SLC4A9: variants seen among roughly 807,000 people sequenced by gnomAD.
The protein encoded by SLC4A9 is anion exchange protein 4.
Under a neutral mutation model 103.2 loss-of-function variants are expected in SLC4A9, and 102 were observed. The ratio of observed to expected loss-of-function variants is 0.99; its 90% CI spans 0.84 to 1.17. SLC4A9 has a LOEUF of 1.17. Among genes scored for constraint, SLC4A9 ranks in the 50% most tolerant of loss-of-function variants. The pLI is 0.00. For missense variants in SLC4A9, 1,091 were observed against 1,193.7 expected, an observed-to-expected ratio of 0.91 and a Z score of 1.27; for synonymous variants, 453 against 483.6, an observed-to-expected ratio of 0.94 and a Z score of 0.83.
chr5:140,365,849 A>C lies in SLC4A9; in HGVS notation c.1726A>C (p.Asn576His). The C allele has an allele frequency of 6.2e-7, 1 of 1,613,754 alleles. No homozygotes were observed. The highest frequency in any genetic ancestry group is 8.5e-7 in the Non-Finnish European group (1 of 1,179,790). The change falls in exon 13 of 22, where the codon AAT becomes CAT. Residue 576 changes from asparagine (N) to histidine (H), a missense_variant. Transcript: ENST00000506757. Reference sequence around the variant, plus strand: ...CTGTGTACAGGACTTAGGCCTGATCAATGCATCCTTGCTGCCGCCACCTGA... The same window carrying C: ...CTGTGTACAGGACTTAGGCCTGATCCATGCATCCTTGCTGCCGCCACCTGA... ...DIVSMDLGLI[N>H]ASLLPPPECT...
chr5:140,367,928 G>A (rs763398276), intron 16 of SLC4A9, 30 bp downstream of exon 16: 6 of 1,611,330 alleles, frequency 3.7e-6, no homozygotes, highest in Non-Finnish European at 5.1e-6. Context: ...AGTGGAGTAA[G>A]AGGTGGGCAG....
In SLC4A9 at chr5:140,363,108, A is replaced by G. The variant is rs748575752; in HGVS notation, c.962+42A>G. On this transcript the variant is annotated intron_variant, in intron 7 of 21. Coordinates refer to ENST00000506757, the MANE Select transcript of SLC4A9 (RefSeq NM_031467.3). The surrounding 1 kb of genome is among the most constrained non-coding windows in gnomAD (Gnocchi z 4.5). ...ATCCCATACAGATTCCTGCCCATAT[A>G]GGCCCTGGGTCTAATTCCATTGTTG... The G allele has an allele frequency of 6.3e-7, 1 of 1,596,966 alleles. No homozygotes were observed. Among genetic ancestry groups the G allele is most frequent in the East Asian group, 2.2e-5 (1 of 44,796 alleles).
intron 19 of SLC4A9, 50 bp from the exon 20 acceptor site, chr5:140,372,192 G>A: frequency 1.4e-6 from 2 of 1,459,148 alleles, no homozygotes; most frequent in African/African-American, 2.9e-5. Flanking sequence ...TATTGTTAAT[G>A]TTCCTACTAC....
At chr5:140,361,773 T>C in intron 3 of SLC4A9, 35 bp from the exon 4 acceptor site, 1 of 1,612,160 alleles carries the variant, frequency 6.2e-7, no homozygotes, top group African/African-American at 1.3e-5. Context: ...CCCCAAAGCC[T>C]GTGGTCTTAA....
At chr5:140,361,401 CCTGGTGTGGCAGGGTCTCAGA>C in intron 3 of SLC4A9, 34 bp downstream of exon 3, 1 of 1,516,548 alleles carries the variant, frequency 6.6e-7, no homozygotes, top group Non-Finnish European at 9.0e-7. Context: ...GGACCAAGAC[CCTGGTGTGGCAGGGTCTCAGA>C]TCTCCCCTGC....
chr5:140,361,065 C>G, intron 2 of SLC4A9, 93 bp downstream of exon 2: 4 of 1,305,250 alleles, frequency 3.1e-6, no homozygotes, highest in Non-Finnish European at 4.2e-6. Flanking sequence ...CAGAGCCCAT[C>G]CCTACCCCTC....
At position 140,361,291 on chromosome 5, in the gene SLC4A9, G is replaced by A. The variant is rs1360109164; in HGVS notation, c.429G>A (p.Leu143=). The A allele has an allele frequency of 1.3e-6, 2 of 1,572,408 alleles. No individual in the cohort carries two copies. The highest frequency in any genetic ancestry group is 1.9e-5 in the Admixed American group (1 of 53,752). The stretch of plus-strand genomic sequence containing the variant: ...GGGTGGAGTCGCTGAGCCCAGAGCT[G>A]AGAGGGCAGTTGCAGGCCTTGCTGC... ...VTRVESLSPE[L]RGQLQALLLQ... The change falls in exon 3 of 22, where the codon CTG becomes CTA. Residue 143 remains leucine, a synonymous_variant. Transcript: ENST00000506757.
intron 14 of SLC4A9, 131 bp downstream of exon 14, chr5:140,366,395 A>G (rs1487460712): frequency 1.8e-5 from 12 of 665,912 alleles, no homozygotes; most frequent in Admixed American, 3.0e-5. Context: ...GATAGTAATA[A>G]TAATGGCCTC....
At chr5:140,368,029 T>G in intron 16 of SLC4A9, 131 bp downstream of exon 16, 1 of 928,798 alleles carries the variant, frequency 1.1e-6, no homozygotes, top group South Asian at 1.6e-5. Flanking sequence ...GCAGAATGAG[T>G]GAGTTCTGGG....
intron 4 of SLC4A9, 40 bp from the exon 5 acceptor site, chr5:140,361,977 T>C (rs374102953): frequency 1.7e-5 from 28 of 1,613,568 alleles, no homozygotes; most frequent in Non-Finnish European, 2.0e-5. Context: ...CCTCCCCAAA[T>C]AACCTTTCAT....
rs753638897 is a variant in SLC4A9 at position 140,366,282 on chromosome 5, G to C, written c.2013+18G>C. The C allele has an allele frequency of 2.6e-6, 4 of 1,549,666 alleles. No homozygotes were observed. The highest frequency in any genetic ancestry group is 1.4e-5 in the African/African-American group (1 of 73,436). ...AGTTCAAGGTGAGAGCCAGGGAAGA[G>C]GGTTGGGGGACCAGAGGGGAAAGCA... is the stretch of plus-strand genomic sequence containing the variant. On this transcript the variant is annotated intron_variant, in intron 14 of 21. Coordinates refer to ENST00000506757, the MANE Select transcript of SLC4A9 (RefSeq NM_031467.3).
In SLC4A9 at chr5:140,362,504, G is replaced by T. The variant is rs200745455; in HGVS notation, c.779G>T (p.Arg260Leu). ...GGAAAGGGCTACCATGAGATGGGACGGGCAGCAGCTGTCCTCCTCAGTGAC... is the reference window on the plus strand; with the variant it reads ...GGAAAGGGCTACCATGAGATGGGACTGGCAGCAGCTGTCCTCCTCAGTGAC... ...MLGKGYHEMG[R>L]AAAVLLSDPQ... Residue 260 changes from arginine (R) to leucine (L), a missense_variant, in exon 6 of 22, where the codon CGG becomes CTG. Transcript: ENST00000506757. 16 of 1,613,972 alleles carry T rather than the reference G, an allele frequency of 9.9e-6. 1 individual carries two copies. In the South Asian group the frequency reaches 1.6e-4, roughly 17 times the overall value.
chr5:140,368,480 A>C (rs1768223389), intron 16 of SLC4A9, 107 bp from the exon 17 acceptor site: 1 of 849,564 alleles, frequency 1.2e-6, no homozygotes, highest in Non-Finnish European at 1.8e-6. Context: ...GTATTCCTCT[A>C]GTTTTCTCTT....
chr5:140,363,858 A>T lies in SLC4A9; in HGVS notation c.1210A>T (p.Ile404Phe). 6.2e-7 allele frequency: 1 copy of T among 1,613,980 alleles called. No individual in the cohort carries two copies. The highest frequency in any genetic ancestry group is 8.5e-7 in the Non-Finnish European group (1 of 1,179,874). Residue 404 changes from isoleucine (I) to phenylalanine (F), a missense_variant, in exon 9 of 22, where the codon ATC becomes TTC. Ile to Phe is a conservative substitution (Grantham distance 21). Coordinates refer to ENST00000506757, the MANE Select transcript of SLC4A9 (RefSeq NM_031467.3). The surrounding 1 kb of genome is among the most constrained non-coding windows in gnomAD (Gnocchi z 4.5). Reference sequence around the variant, plus strand: ...TTACCTGGCCACTGTCACTAATGCCATCACTTTTGGGGGTCTGCTGGGAGA... The same window carrying T: ...TTACCTGGCCACTGTCACTAATGCCTTCACTTTTGGGGGTCTGCTGGGAGA... Reference protein sequence around the residue: ...YIYLATVTNAITFGGLLGDAT... With the variant: ...YIYLATVTNAFTFGGLLGDAT...
Position 140,363,737 on chromosome 5 carries a change from G to T in SLC4A9, c.1089G>T (p.Gly363=). ...GACCCTCGGGCGGGAGGCTGTTTGG[G>T]GGCCTTATCCAGGACGTGCGCAGGA... The part of the protein sequence containing the change: ...PELQRTGRLF[G]GLIQDVRRKV... Residue 363 remains glycine, a synonymous_variant, in exon 9 of 22, where the codon GGG becomes GGT. Transcript: ENST00000506757. The surrounding 1 kb of genome is among the most constrained non-coding windows in gnomAD (Gnocchi z 4.5). The T allele has an allele frequency of 6.2e-7, 1 of 1,613,832 alleles. No homozygotes were observed.
Position 140,363,764 on chromosome 5 carries a change from G to A in SLC4A9, c.1116G>A (p.Lys372=), listed in dbSNP as rs1245480368. ...GCCTTATCCAGGACGTGCGCAGGAA[G>A]GTCCCGTGGTACCCCAGCGATTTCT... The part of the protein sequence containing the change: ...FGGLIQDVRR[K]VPWYPSDFLD... Residue 372 remains lysine (K), a synonymous_variant, in exon 9 of 22, where the codon AAG becomes AAA. Transcript: ENST00000506757. This position sits in a 1 kb window ranked among gnomAD's most constrained non-coding sequence, Gnocchi z 4.5. 6.2e-7 allele frequency: 1 copy of A among 1,613,986 alleles called. No individual in the cohort carries two copies. The highest frequency in any genetic ancestry group is 1.7e-5 in the Admixed American group (1 of 60,022).
In SLC4A9 at chr5:140,363,226, C is replaced by T. The variant is rs1767364870; in HGVS notation, c.962+160C>T. On this transcript the variant is annotated intron_variant, in intron 7 of 21. Transcript: ENST00000506757. This position sits in a 1 kb window ranked among gnomAD's most constrained non-coding sequence, Gnocchi z 4.5. ...TCTGAGTTCTGCTGGACTACTCTCT[C>T]GCTAAGAGACCTGAACAAAGACCTT... Among the ~76,000 whole-genome samples, 1 of 152,170 alleles carries T rather than the reference C, an allele frequency of 6.6e-6. No homozygotes were observed. The highest frequency in any genetic ancestry group is 2.4e-5 in the African/African-American group (1 of 41,442).
In SLC4A9 at chr5:140,363,260, G is replaced by A. The variant is rs1470415833; in HGVS notation, c.963-179G>A. Among the ~76,000 whole-genome samples the A allele has an allele frequency of 3.9e-5, 6 of 152,144 alleles. No individual in the cohort carries two copies. Among genetic ancestry groups the A allele is most frequent in the Admixed American group, 3.9e-4 (6 of 15,270 alleles). On this transcript the variant is annotated intron_variant, in intron 7 of 21. Transcript: ENST00000506757. This position sits in a 1 kb window ranked among gnomAD's most constrained non-coding sequence, Gnocchi z 4.5. ...ACCTGAACAAAGACCTTCCCTGCCC[G>A]AGCCTGGCTTTCACAGGTCGCAATA...
rs1011002319 is a variant in SLC4A9, at chr5:140,368,753, G to T, written c.2427+94G>T. The stretch of plus-strand genomic sequence containing the variant: ...GTAGTTGAATACTTACAGTGTGCCA[G>T]GTGCTCTGTTAAGTTTTCTCCATAC... On this transcript the variant is annotated intron_variant, in intron 17 of 21. Transcript: ENST00000506757. 1.2e-4 allele frequency: 125 copies of T among 1,075,694 alleles called. 1 individual carries two copies. Among genetic ancestry groups the T allele is most frequent in the Non-Finnish European group, 1.6e-4 (116 of 737,624 alleles). 66.6% of individuals were successfully genotyped at this position (1,075,694 alleles called of 1,614,324 possible).
Sources: allele counts gnomAD v4.1 joint callset (sites outside exome capture counted in the v4.1 genomes callset), GRCh38; gene constraint gnomAD v4.1.1; non-coding constraint Gnocchi (gnomAD v3.1); transcripts MANE v1.5; gene names NCBI Gene and HGNC (gene_info 2026-07-23, HGNC 2026-07-21).